The following BAIAP2 variants were observed in gnomAD, a reference collection of about 807,000 sequenced individuals.
The protein encoded by BAIAP2 is BAR/IMD domain containing adaptor protein 2, also known as BAR/IMD domain-containing adapter protein 2.
BAIAP2 carries 18 observed loss-of-function variants against 63.0 expected under a neutral mutation model. The observed-to-expected ratio is 0.29, with a 90% CI of 0.20 to 0.42. BAIAP2 has a LOEUF of 0.42. Ranked by LOEUF, BAIAP2 falls within the 10% of genes least tolerant of loss-of-function variation. The pLI is 1.00. For missense variants in BAIAP2, 610 were observed against 734.3 expected, an observed-to-expected ratio of 0.83 and a Z score of 1.96; for synonymous variants, 386 against 307.6, an observed-to-expected ratio of 1.25 and a Z score of -2.67.
In BAIAP2 at chr17:81,086,599, C is replaced by T; in HGVS notation, c.489+19C>T. ...GCTGCAGGTAGGCCCGCCACCCCCG[C>T]TGTGGTGCCTCTCCTGCCACCTTGG... On this transcript the variant is annotated intron_variant, in intron 6 of 13. Transcript: ENST00000428708. 6.2e-7 allele frequency: 1 copy of T among 1,611,840 alleles called. No individual in the cohort carries two copies. The highest frequency in any genetic ancestry group is 8.5e-7 in the Non-Finnish European group (1 of 1,179,690).
At chr17:81,115,144 A>G (rs1381180457) in intron 13 of BAIAP2, among the ~76,000 whole-genome samples, 1 of 151,994 alleles carries the variant, frequency 6.6e-6, no homozygotes. Context: ...GGCCCCGGGG[A>G]TATGGGGGAG....
intron 6 of BAIAP2, among the ~76,000 whole-genome samples, chr17:81,098,475 T>G (rs188962442): frequency 7.6e-4 from 115 of 152,162 alleles, no homozygotes; most frequent in Non-Finnish European, 1.5e-3. Flanking sequence ...TTGACCACGG[T>G]AACCATCTTT....
chr17:81,085,487 G>GCACA, intron 4 of BAIAP2, 167 bp from the exon 5 acceptor site: 1 of 705,114 alleles, frequency 1.4e-6, no homozygotes, highest in Non-Finnish European at 2.6e-6. Context: ...TCCAGAGGGT[G>GCACA]CACACGGGCA....
At chr17:81,055,574 G>GTTTTTTTTTT (rs1555657874) in intron 2 of BAIAP2, among the ~76,000 whole-genome samples, 1 of 123,406 alleles carries the variant, frequency 8.1e-6, no homozygotes, top group East Asian at 2.7e-4. Flanking sequence ...AGGGTGTTTT[G>GTTTTTTTTTT]TTTTTTTTTG....
rs1212077650 is a variant in BAIAP2 at position 81,046,535 on chromosome 17, G to A, written c.55-7133G>A. ...CAGCTCCCAGGCTCTGGAGCTCATCGGTGCTCCTGTGTGTGGGGTCAGCAG... is the reference window on the plus strand; with the variant it reads ...CAGCTCCCAGGCTCTGGAGCTCATCAGTGCTCCTGTGTGTGGGGTCAGCAG... On this transcript the variant is annotated intron_variant, in intron 1 of 13. Coordinates refer to ENST00000428708, the MANE Select transcript of BAIAP2 (RefSeq NM_001144888.2). This position sits in a 1 kb window ranked among gnomAD's most constrained non-coding sequence, Gnocchi z 4.5. Among the ~76,000 whole-genome samples, 1 of 152,046 alleles carries A rather than the reference G, an allele frequency of 6.6e-6. No individual in the cohort carries two copies. Among genetic ancestry groups the A allele is most frequent in the East Asian group, 1.9e-4 (1 of 5,178 alleles).
In BAIAP2 at chr17:81,046,250, C is replaced by T. The variant is rs548893600; in HGVS notation, c.55-7418C>T. On this transcript the variant is annotated intron_variant, in intron 1 of 13. Transcript: ENST00000428708. The surrounding 1 kb of genome is among the most constrained non-coding windows in gnomAD (Gnocchi z 4.5). The stretch of plus-strand genomic sequence containing the variant: ...CCTGCGCGCCGTTTCCTCCCAGAAA[C>T]TTCCATGCATCCCCTCGTTTCCTAA... 6.8e-4 allele frequency among the ~76,000 whole-genome samples: 104 copies of T among 152,236 alleles called. 1 individual carries two copies. Among genetic ancestry groups the T allele is most frequent in the African/African-American group, 2.4e-3 (100 of 41,542 alleles).
In BAIAP2 at chr17:81,069,969, C is replaced by A. The variant is rs542557243; in HGVS notation, c.217+12002C>A. ...TTTTTTGTTGTTGTTGTTGTCTTTT[C>A]CCCCTTTTTGGAGACAGAGTCTCAC... On this transcript the variant is annotated intron_variant, in intron 3 of 13. Coordinates refer to ENST00000428708, the MANE Select transcript of BAIAP2 (RefSeq NM_001144888.2). Among the ~76,000 whole-genome samples the A allele has an allele frequency of 1.2e-4, 18 of 151,548 alleles. No individual in the cohort carries two copies. In the South Asian group the frequency reaches 2.9e-3, roughly 24 times the overall value.
chr17:81,088,647 T>C (rs181213116), intron 6 of BAIAP2, among the ~76,000 whole-genome samples: 1 of 152,232 alleles, frequency 6.6e-6, no homozygotes, highest in Non-Finnish European at 1.5e-5. Flanking sequence ...CACGGAGGGT[T>C]CTTAAAGCTC....
chr17:81,094,042 G>A (rs565882311), intron 6 of BAIAP2, among the ~76,000 whole-genome samples: 41 of 149,656 alleles, frequency 2.7e-4, no homozygotes, highest in African/African-American at 4.1e-4. Flanking sequence ...CAGGAGCCAC[G>A]GAGCCCTCTC....
At position 81,035,162 on chromosome 17, in the gene BAIAP2, C is replaced by T. The variant is rs1305692592; in HGVS notation, c.-93C>T. 100 of 1,080,990 alleles carry T rather than the reference C, an allele frequency of 9.3e-5. 1 individual carries two copies. Among genetic ancestry groups the T allele is most frequent in the East Asian group, 1.1e-4 (3 of 27,512 alleles). 67.0% of individuals were successfully genotyped at this position (1,080,990 alleles called of 1,614,324 possible). A position where few individuals can be genotyped will look rare whatever the true frequency, so the allele number is the denominator to read the frequency against. On this transcript the variant is annotated 5_prime_UTR_variant, in exon 1 of 14. Transcript: ENST00000428708. ...GGACGCCGGGCTCTGTGGTTCGGGT[C>T]CGCTTTCGTCTCCGTCCTGCTGCCG...
At chr17:81,086,028 T>G (rs1039106065) in intron 5 of BAIAP2, among the ~76,000 whole-genome samples, 1 of 152,136 alleles carries the variant, frequency 6.6e-6, no homozygotes, top group Non-Finnish European at 1.5e-5. Context: ...GCTCCTTCTC[T>G]GGCCTCTGCA....
At chr17:81,073,612 C>G (rs1458353301) in intron 3 of BAIAP2, among the ~76,000 whole-genome samples, 4 of 152,212 alleles carry the variant, frequency 2.6e-5, no homozygotes, top group African/African-American at 4.8e-5. Context: ...CTGCACAGAT[C>G]TGCCTCCAAC....
At chr17:81,097,580 C>T (rs901757501) in intron 6 of BAIAP2, 1 of 152,394 alleles carries the variant, frequency 6.6e-6, no homozygotes, top group Non-Finnish European at 1.5e-5. Flanking sequence ...GCGGAGGCCG[C>T]ATCTTCTTAA....
At chr17:81,109,378 A>G (rs1174306065) in intron 13 of BAIAP2, 3 of 533,960 alleles carry the variant, frequency 5.6e-6, no homozygotes, top group Non-Finnish European at 6.8e-6. Flanking sequence ...ATCTTAAAAA[A>G]AAAAAAAAAA....
chr17:81,089,529 C>A (rs182177501), intron 6 of BAIAP2, among the ~76,000 whole-genome samples: 3 of 152,178 alleles, frequency 2.0e-5, no homozygotes, highest in Admixed American at 2.0e-4. Context: ...AGTGCCCTTT[C>A]GTGGTAAGCC....
chr17:81,106,105 C>G lies in BAIAP2; in HGVS notation c.1296C>G (p.Thr432=). Residue 432 remains threonine, a synonymous_variant, in exon 11 of 14, where the codon ACC becomes ACG. Transcript: ENST00000428708. ...KMRGWFPFSY[T]RVLDSDGSDR... ...GGGGCTGGTTTCCCTTCTCCTACAC[C>G]CGGGTCTTGGACAGCGATGGCAGTG... The G allele has an allele frequency of 6.3e-7, 1 of 1,583,384 alleles. No homozygotes were observed. Among genetic ancestry groups the G allele is most frequent in the African/African-American group, 1.3e-5 (1 of 74,678 alleles).
chr17:81,045,238 G>C (rs183238595), intron 1 of BAIAP2, among the ~76,000 whole-genome samples: 2 of 152,202 alleles, frequency 1.3e-5, no homozygotes, highest in Non-Finnish European at 2.9e-5. Context: ...CGCAGAGGGC[G>C]TGCAGGTGTC....
intron 1 of BAIAP2, among the ~76,000 whole-genome samples, chr17:81,039,969 C>T (rs569610732): frequency 3.3e-5 from 5 of 152,294 alleles, no homozygotes; most frequent in East Asian, 3.9e-4. Context: ...GCAACCCCAG[C>T]GTCACTGCAG....
intron 3 of BAIAP2, among the ~76,000 whole-genome samples, chr17:81,067,598 G>A (rs963048776): frequency 1.3e-5 from 2 of 152,220 alleles, no homozygotes; most frequent in African/African-American, 2.4e-5. Context: ...ATCCTGAGCC[G>A]TTTCCTGCTG....
Sources: gnomAD v4.1 joint callset for allele counts (sites outside exome capture counted in the v4.1 genomes callset) on GRCh38, gnomAD v4.1.1 for gene constraint, Gnocchi (gnomAD v3.1) non-coding constraint, MANE v1.5 for transcripts, NCBI Gene and HGNC (gene_info 2026-07-23, HGNC 2026-07-21) for gene names.